The following ATXN1 variants were observed in gnomAD, a reference collection of about 807,000 sequenced individuals.
ATXN1 encodes the protein ataxin 1.
In ATXN1, 8 loss-of-function variants were observed where a neutral mutation model predicts 56.4. The observed-to-expected ratio is 0.14, with a 90% confidence interval of 0.08 to 0.26. The LOEUF is 0.26. Among genes scored for constraint, ATXN1 ranks in the 10% least tolerant of loss-of-function variants. ATXN1 has a pLI of 1.00. For missense variants in ATXN1, 987 were observed against 1,106.5 expected (o/e 0.89, Z 1.53); for synonymous variants, 514 against 494.6 (o/e 1.04, Z -0.52).
intron 6 of ATXN1, chr6:16,485,681 A>G (rs561752997): frequency 6.6e-6 from 1 of 152,344 alleles, no homozygotes; most frequent in Non-Finnish European, 1.5e-5. Flanking sequence ...CTGTACCAGT[A>G]GAAAAGGTGT....
intron 3 of ATXN1, among the ~76,000 whole-genome samples, chr6:16,621,188 C>T (rs1329228622): frequency 6.6e-6 from 1 of 152,190 alleles, no homozygotes; most frequent in Non-Finnish European, 1.5e-5. Flanking sequence ...AAGACACATG[C>T]ATTTAGGAGA....
At chr6:16,487,047 T>G (rs1257251891) in intron 5 of ATXN1, among the ~76,000 whole-genome samples, 1 of 152,184 alleles carries the variant, frequency 6.6e-6, no homozygotes, top group Admixed American at 6.5e-5. Flanking sequence ...CTTGATTTTT[T>G]TCCCCCTTTC....
rs989738923 is a variant in ATXN1, at chr6:16,304,743, T to C, written c.*1586A>G. On this transcript the variant is annotated 3_prime_UTR_variant, in exon 8 of 8. Transcript: ENST00000436367. ...TCAGTCCCCCAAACCTTTCCCACAATGTTATTGGATAAAAACTGCAGGAAT... is the reference window on the plus strand; with the variant it reads ...TCAGTCCCCCAAACCTTTCCCACAACGTTATTGGATAAAAACTGCAGGAAT... 1 of 152,680 alleles carries C rather than the reference T, an allele frequency of 6.5e-6. No homozygotes were observed. The highest frequency in any genetic ancestry group is 2.4e-5 in the African/African-American group (1 of 41,470). 9.5% of individuals were successfully genotyped at this position (152,680 alleles called of 1,614,324 possible).
At chr6:16,632,330 G>A (rs780679795) in intron 3 of ATXN1, among the ~76,000 whole-genome samples, 5 of 152,214 alleles carry the variant, frequency 3.3e-5, no homozygotes. Context: ...ACACAGAGCT[G>A]ACATGAGGAT....
At chr6:16,566,385 T>C (rs1486481593) in intron 4 of ATXN1, among the ~76,000 whole-genome samples, 1 of 152,068 alleles carries the variant, frequency 6.6e-6, no homozygotes, top group East Asian at 1.9e-4. Context: ...GTTGGCATTT[T>C]ACAACTCTGG....
At chr6:16,703,836 A>G (rs12529415) in intron 2 of ATXN1, among the ~76,000 whole-genome samples, 36,781 of 152,176 alleles carry the variant, frequency 0.24, 4,879 homozygotes, top group East Asian at 0.38. Context: ...TCTGGCCAAC[A>G]TAGTGAAACC....
intron 6 of ATXN1, among the ~76,000 whole-genome samples, chr6:16,431,190 C>T (rs1035244531): frequency 6.6e-6 from 1 of 152,088 alleles, no homozygotes; most frequent in African/African-American, 2.4e-5. Context: ...TAAATCCAAG[C>T]ATACCAGGTT....
rs539600108 is a variant in ATXN1 at position 16,364,428 on chromosome 6, C to T, written c.-160-35958G>A. Among the ~76,000 whole-genome samples the T allele has an allele frequency of 3.0e-4, 46 of 152,164 alleles. No homozygotes were observed. The East Asian group carries it at 7.0e-3, about 23-fold the overall frequency. On this transcript the variant is annotated intron_variant, in intron 6 of 7. Transcript: ENST00000436367. ...ACACCATTCTCCTGCCTCAGCCTCCCGAGTATCTGGGACTACAGGCACCCG... is the reference window on the plus strand; with the variant it reads ...ACACCATTCTCCTGCCTCAGCCTCCTGAGTATCTGGGACTACAGGCACCCG...
chr6:16,651,214 G>A (rs994689782), intron 3 of ATXN1, among the ~76,000 whole-genome samples: 2 of 152,292 alleles, frequency 1.3e-5, no homozygotes, highest in Middle Eastern at 3.4e-3. Flanking sequence ...ACAGGGGCCC[G>A]AGAGTGGAGA....
chr6:16,719,867 G>T (rs1409457456), intron 2 of ATXN1, among the ~76,000 whole-genome samples: 3 of 152,166 alleles, frequency 2.0e-5, no homozygotes, highest in African/African-American at 4.8e-5. Flanking sequence ...GCAAGGAAAG[G>T]TTCTCCCAAC....
chr6:16,379,857 G>A (rs1345455815), intron 6 of ATXN1, among the ~76,000 whole-genome samples: 2 of 152,220 alleles, frequency 1.3e-5, no homozygotes, highest in Admixed American at 6.5e-5. Context: ...TCCTCAAGAT[G>A]AGTTTTGAAA....
intron 3 of ATXN1, among the ~76,000 whole-genome samples, chr6:16,590,921 T>C (rs1450088467): frequency 6.6e-6 from 1 of 151,470 alleles, no homozygotes; most frequent in Non-Finnish European, 1.5e-5. Flanking sequence ...CCACTCACCA[T>C]AACCTCCGCC....
intron 6 of ATXN1, among the ~76,000 whole-genome samples, chr6:16,376,796 C>T (rs1762148850): frequency 6.6e-6 from 1 of 152,124 alleles, no homozygotes; most frequent in Non-Finnish European, 1.5e-5. Flanking sequence ...AATGTTGATA[C>T]CAAATTCTAC....
intron 2 of ATXN1, among the ~76,000 whole-genome samples, chr6:16,660,088 T>A (rs1399492415): frequency 3.3e-5 from 5 of 152,200 alleles, no homozygotes; most frequent in African/African-American, 9.7e-5. Flanking sequence ...GCAACTCTTA[T>A]CAAAAGAAAA....
chr6:16,600,026 C>T (rs1187020767), intron 3 of ATXN1, among the ~76,000 whole-genome samples: 1 of 152,160 alleles, frequency 6.6e-6, no homozygotes, highest in East Asian at 1.9e-4. Flanking sequence ...TGGTTCATTG[C>T]GTCTTTTTTC....
intron 4 of ATXN1, among the ~76,000 whole-genome samples, chr6:16,546,627 T>C (rs1243679173): frequency 2.6e-5 from 4 of 152,222 alleles, no homozygotes; most frequent in Non-Finnish European, 4.4e-5. Flanking sequence ...AGTAGAGATA[T>C]GAAATTGCTA....
chr6:16,380,952 G>A (rs1758094291), intron 6 of ATXN1, among the ~76,000 whole-genome samples: 1 of 152,222 alleles, frequency 6.6e-6, no homozygotes, highest in Non-Finnish European at 1.5e-5. Flanking sequence ...AGGTCATCCT[G>A]GAGGAGAGGG....
chr6:16,350,778 TTCC>T (rs1376410128), intron 6 of ATXN1, among the ~76,000 whole-genome samples: 3 of 152,162 alleles, frequency 2.0e-5, no homozygotes, highest in African/African-American at 7.2e-5. Context: ...AAGCCTTGGT[TTCC>T]TCATTTTAAA....
rs1581433463 is a variant in ATXN1 at position 16,760,807 on chromosome 6, C to G, written c.-730+491G>C. Among the ~76,000 whole-genome samples the G allele has an allele frequency of 1.3e-5, 2 of 151,328 alleles. No homozygotes were observed. Among genetic ancestry groups the G allele is most frequent in the Middle Eastern group, 3.4e-3 (1 of 290 alleles). ...GGGCGGCCGGGAAAGGGACCACCCC[C>G]CAACCCCAGCCGCCGCCTCCCCCCT... On this transcript the variant is annotated intron_variant, in intron 1 of 7. Coordinates refer to ENST00000436367, the MANE Select transcript of ATXN1 (RefSeq NM_001128164.2). The surrounding 1 kb of genome is among the most constrained non-coding windows in gnomAD (Gnocchi z 5.3).
Sources: gnomAD v4.1 joint callset for allele counts (sites outside exome capture counted in the v4.1 genomes callset) on GRCh38, gnomAD v4.1.1 for gene constraint, Gnocchi (gnomAD v3.1) non-coding constraint, MANE v1.5 for transcripts, NCBI Gene and HGNC (gene_info 2026-07-23, HGNC 2026-07-21) for gene names.